NPEPPS: variants seen among roughly 807,000 people sequenced by gnomAD.
NPEPPS encodes the protein aminopeptidase puromycin sensitive.
NPEPPS carries 14 observed loss-of-function variants against 115.5 expected under a neutral mutation model. The observed-to-expected ratio is 0.12, with a 90% confidence interval of 0.08 to 0.19. The LOEUF (loss-of-function observed/expected upper bound fraction) is 0.19, where lower values mean the gene tolerates loss of function less well. NPEPPS is among the 10% of genes least tolerant of loss of function. The pLI, the probability that NPEPPS is intolerant of heterozygous loss-of-function variation, is 1.00. For synonymous variants in NPEPPS, 285 were observed against 390.6 expected, an observed-to-expected ratio of 0.73 and a Z score of 3.19; for missense variants, 523 against 1,110.8, an observed-to-expected ratio of 0.47 and a Z score of 7.52.
At chr17:47,528,021 G>A (rs1395939849), upstream of NPEPPS, among the ~76,000 whole-genome samples, 1 of 151,890 alleles carries the variant, frequency 6.6e-6, no homozygotes, top group East Asian at 1.9e-4. Flanking sequence ...TATTATATGG[G>A]CTGGGCACAG....
At chr17:47,588,742 T>A (rs1912336576) in intron 9 of NPEPPS, among the ~76,000 whole-genome samples, 1 of 152,178 alleles carries the variant, frequency 6.6e-6, no homozygotes, top group African/African-American at 2.4e-5. Flanking sequence ...CAATAAATTT[T>A]AGTAGGGGAA....
intron 1 of NPEPPS, among the ~76,000 whole-genome samples, chr17:47,525,073 G>T (rs992352676): frequency 1.3e-5 from 2 of 151,868 alleles, no homozygotes; most frequent in African/African-American, 4.8e-5. Context: ...GGAGGGAAAT[G>T]AATTTCCAAG....
intron 6 of NPEPPS, 66 bp downstream of exon 6, chr17:47,585,766 G>C: frequency 8.7e-7 from 1 of 1,152,068 alleles, no homozygotes; most frequent in Non-Finnish European, 1.3e-6. Flanking sequence ...TTACATTTCT[G>C]GTCAATTATT....
At chr17:47,543,965 G>A (rs375185266) in intron 1 of NPEPPS, among the ~76,000 whole-genome samples, 2 of 150,210 alleles carry the variant, frequency 1.3e-5, no homozygotes, top group Non-Finnish European at 3.0e-5. Flanking sequence ...CACAATCTCC[G>A]CTCACTGCAA....
chr17:47,593,312 A>G (rs1251592117), intron 12 of NPEPPS, among the ~76,000 whole-genome samples: 1 of 152,218 alleles, frequency 6.6e-6, no homozygotes, highest in Non-Finnish European at 1.5e-5. Context: ...CTGTAATCCT[A>G]GCACTTTGGG....
chr17:47,559,025 G>A (rs1910254235), intron 2 of NPEPPS, among the ~76,000 whole-genome samples: 1 of 150,194 alleles, frequency 6.7e-6, no homozygotes, highest in Non-Finnish European at 1.5e-5. Context: ...ACAACAGAGC[G>A]AGACTCCATC....
intron 5 of NPEPPS, among the ~76,000 whole-genome samples, chr17:47,583,232 ACTT>A (rs1346788834): frequency 6.6e-6 from 1 of 152,060 alleles, no homozygotes; most frequent in East Asian, 1.9e-4. Flanking sequence ...AAGATTATCT[ACTT>A]CTTTTAATTT....
intron 5 of NPEPPS, among the ~76,000 whole-genome samples, chr17:47,583,427 A>T (rs1912007203): frequency 6.6e-6 from 1 of 151,972 alleles, no homozygotes; most frequent in South Asian, 2.1e-4. Flanking sequence ...CTTACTAAAA[A>T]TACAAAAATT....
chr17:47,540,542 T>C (rs1908675335), intron 1 of NPEPPS, among the ~76,000 whole-genome samples: 2 of 152,250 alleles, frequency 1.3e-5, no homozygotes, highest in South Asian at 2.1e-4. Flanking sequence ...AGTCAGCACA[T>C]ACACTTATGT....
At chr17:47,620,365 G>A (rs1914490864) in intron 22 of NPEPPS, among the ~76,000 whole-genome samples, 2 of 152,148 alleles carry the variant, frequency 1.3e-5, no homozygotes, top group South Asian at 4.1e-4. Context: ...AAGATGTTGG[G>A]AAGCTAACTC....
intron 17 of NPEPPS, among the ~76,000 whole-genome samples, chr17:47,610,347 A>G (rs10163518): frequency 0.99 from 150,331 of 152,046 alleles, 74,349 homozygotes; most frequent in Middle Eastern, 1. Flanking sequence ...TATTTTCAAG[A>G]TTCATCTATG....
At chr17:47,555,498 C>T (rs1269509603) in intron 2 of NPEPPS, among the ~76,000 whole-genome samples, 1 of 151,682 alleles carries the variant, frequency 6.6e-6, no homozygotes, top group Non-Finnish European at 1.5e-5. Flanking sequence ...CAGGCATGCA[C>T]CACCACACCC....
chr17:47,583,602 A>G (rs760163477), intron 5 of NPEPPS, among the ~76,000 whole-genome samples: 2 of 151,628 alleles, frequency 1.3e-5, no homozygotes, highest in Admixed American at 1.3e-4. Context: ...AAAAAAAGAA[A>G]AAGGTCTTGA....
chr17:47,613,547 G>GT, intron 18 of NPEPPS, 122 bp from the exon 19 acceptor site: 1 of 774,526 alleles, frequency 1.3e-6, no homozygotes, highest in South Asian at 1.7e-5. Flanking sequence ...GATTACAGGC[G>GT]TGAGTCACCG....
At chr17:47,531,732 G>A (rs1216478741) in intron 1 of NPEPPS, among the ~76,000 whole-genome samples, 177 bp downstream of exon 1, 1 of 151,604 alleles carries the variant, frequency 6.6e-6, no homozygotes, top group African/African-American at 2.4e-5. Flanking sequence ...GGCTGGGGCT[G>A]GGGCTGGGGC....
At chr17:47,604,209 T>G in intron 16 of NPEPPS, 160 bp downstream of exon 16, 1 of 537,810 alleles carries the variant, frequency 1.9e-6, no homozygotes, top group South Asian at 4.6e-5. Flanking sequence ...ATGACAAGAT[T>G]GAGGCTATAT....
chr17:47,615,840 C>T (rs1022328323), intron 19 of NPEPPS, among the ~76,000 whole-genome samples: 9 of 152,070 alleles, frequency 5.9e-5, no homozygotes, highest in Non-Finnish European at 1.0e-4. Flanking sequence ...AGAGAGTTCA[C>T]GATAATCAGC....
chr17:47,523,020 T>G, exon 1 of NPEPPS: 1 of 1,277,312 alleles, frequency 7.8e-7, no homozygotes, highest in Non-Finnish European at 1.1e-6. Flanking sequence ...CTCTCCAAGT[T>G]TTTGTGTTCC....
chr17:47,619,462 G>A, intron 21 of NPEPPS: 5 of 511,886 alleles, frequency 9.8e-6, no homozygotes, highest in Non-Finnish European at 1.8e-5. Flanking sequence ...GCTGAGGCAG[G>A]AGAATCGCTT....
Sources: gnomAD v4.1 joint callset for allele counts (sites outside exome capture counted in the v4.1 genomes callset) on GRCh38, gnomAD v4.1.1 for gene constraint, MANE v1.5 for transcripts, NCBI Gene and HGNC (gene_info 2026-07-23, HGNC 2026-07-21) for gene names.